MINDY1: variants seen among roughly 807,000 people sequenced by gnomAD.
MINDY1 encodes the protein ubiquitin carboxyl-terminal hydrolase MINDY-1.
A neutral mutation model predicts 53.6 loss-of-function variants in MINDY1; 50 were observed. The ratio of observed to expected loss-of-function variants is 0.93; its 90% CI spans 0.74 to 1.18. The LOEUF is 1.18. Ranked by LOEUF, MINDY1 falls within the 50% of genes most tolerant of loss-of-function variation. The probability of loss-of-function intolerance (pLI) is 0.00; values close to 1 mark genes in which losing one functional copy is unlikely to be tolerated. For missense variants in MINDY1, 484 were observed against 578.6 expected (o/e 0.84, Z 1.68); for synonymous variants, 231 against 234.7 (o/e 0.98, Z 0.14).
At chr1:151,000,195 G>A (rs587642397) in intron 5 of MINDY1, among the ~76,000 whole-genome samples, 1 of 152,144 alleles carries the variant, frequency 6.6e-6, no homozygotes, top group East Asian at 1.9e-4. Context: ...GGGAATACAG[G>A]CATGTGCCAC....
At chr1:151,004,673 G>A (rs587654948) in intron 1 of MINDY1, among the ~76,000 whole-genome samples, 1 of 151,934 alleles carries the variant, frequency 6.6e-6, no homozygotes, top group South Asian at 2.1e-4. Flanking sequence ...GGGGGTTGCA[G>A]TGAGCTGAGA....
downstream of MINDY1, chr1:150,996,540 G>A (rs991987819): frequency 6.6e-6 from 1 of 151,340 alleles, no homozygotes; most frequent in Non-Finnish European, 1.5e-5. Context: ...CAGATCTCAG[G>A]AAAGAAGGTT....
In MINDY1 at chr1:150,999,602, CG is replaced by C. The variant is rs928869537; in HGVS notation, c.839-92del. The C allele has an allele frequency of 1.5e-5, 23 of 1,541,340 alleles. No homozygotes were observed. In the African/African-American group the frequency reaches 2.3e-4, roughly 16 times the overall value. On this transcript the variant is annotated intron_variant, in intron 6 of 9. Coordinates refer to ENST00000683666, the MANE Select transcript of MINDY1 (RefSeq NM_001376665.1). This position sits in a 1 kb window ranked among gnomAD's most constrained non-coding sequence, Gnocchi z 4.4. ...TCCAGAGAGCCCCTGTCAAAAGCCC[CG>C]GGGGGTCAGTCCCACCTTCTGACGT...
chr1:151,002,694 G>A lies in MINDY1; in HGVS notation c.-77C>T. The A allele has an allele frequency of 1.2e-6, 2 of 1,605,182 alleles. No individual in the cohort carries two copies. The highest frequency in any genetic ancestry group is 2.2e-5 in the East Asian group (1 of 44,590). ...GACTTGCCTAAGCCAGGCTTGGGATGCAAAAGAGTGACCTGTCCAATAAGA... is the reference window on the plus strand; with the variant it reads ...GACTTGCCTAAGCCAGGCTTGGGATACAAAAGAGTGACCTGTCCAATAAGA... On this transcript the variant is annotated 5_prime_UTR_variant, in exon 2 of 10. Coordinates refer to ENST00000683666, the MANE Select transcript of MINDY1 (RefSeq NM_001376665.1). The surrounding 1 kb of genome is among the most constrained non-coding windows in gnomAD (Gnocchi z 4.1).
Position 150,997,689 on chromosome 1 carries a change from C to G in MINDY1, c.1264G>C (p.Glu422Gln). The change falls in exon 9 of 10, where the codon GAG becomes CAG. Residue 422 changes from glutamate (E) to glutamine (Q), a missense_variant. Physicochemically the swap from Glu to Gln is conservative, Grantham distance 29. Transcript: ENST00000683666. ...DLELAQQLQQ[E>Q]EYQQQQAAQP... ...GCTGCCTGCTGCTGTTGATACTCCTCTTGCTGAAGCTGCTGGGCCAGCTCC... is the reference window on the plus strand; with the variant it reads ...GCTGCCTGCTGCTGTTGATACTCCTGTTGCTGAAGCTGCTGGGCCAGCTCC... 1 of 1,613,650 alleles carries G rather than the reference C, an allele frequency of 6.2e-7. No homozygotes were observed. The highest frequency in any genetic ancestry group is 1.3e-5 in the African/African-American group (1 of 75,076).
At chr1:150,997,486 C>T (rs1671954591) in intron 9 of MINDY1, 119 bp from the exon 10 acceptor site, 3 of 1,548,830 alleles carry the variant, frequency 1.9e-6, no homozygotes, top group Non-Finnish European at 2.6e-6. Flanking sequence ...GGAAGGGGCT[C>T]CAGGGGAGAG....
upstream of MINDY1, chr1:151,008,135 G>T: frequency 1.5e-6 from 1 of 684,894 alleles, no homozygotes; most frequent in Non-Finnish European, 1.8e-6. Context: ...TTTGCCAAGT[G>T]TCATTTAAAA....
chr1:151,001,769 G>A lies in MINDY1; in HGVS notation c.467C>T (p.Pro156Leu), dbSNP rs1040245529. 2.0e-5 allele frequency: 32 copies of A among 1,598,068 alleles called. No individual in the cohort carries two copies. Among genetic ancestry groups the A allele is most frequent in the African/African-American group, 2.7e-5 (2 of 73,760 alleles). Residue 156 changes from proline to leucine, a missense_variant, in exon 3 of 10, where the codon CCG (proline) becomes CTG (leucine). Transcript: ENST00000683666. The part of the protein sequence containing the change: ...LFLQWKVKLP[P>L]QKEVITSDEL... Reference sequence around the variant, plus strand: ...ATCCGATGTGATCACTTCCTTCTGCGGGGGGAGCTTCACCTGGAGGCAGAA... The same window carrying A: ...ATCCGATGTGATCACTTCCTTCTGCAGGGGGAGCTTCACCTGGAGGCAGAA...
intron 1 of MINDY1, among the ~76,000 whole-genome samples, chr1:151,004,359 G>A (rs947819987): frequency 6.6e-6 from 1 of 152,128 alleles, no homozygotes; most frequent in African/African-American, 2.4e-5. Flanking sequence ...CACAAATCCT[G>A]CCCTTTGGAA....
At chr1:150,996,691 C>T (rs1343722785), downstream of MINDY1, 1 of 151,824 alleles carries the variant, frequency 6.6e-6, no homozygotes, top group Non-Finnish European at 1.5e-5. Context: ...TACAGGCGCC[C>T]ACCATGACGC....
intron 8 of MINDY1, 62 bp downstream of exon 8, chr1:150,998,020 T>G (rs1274096022): frequency 6.6e-7 from 1 of 1,504,874 alleles, no homozygotes; most frequent in Non-Finnish European, 8.9e-7. Context: ...TTAAAATGTA[T>G]GCAGTAAAAA....
In MINDY1 at chr1:150,998,271, ACT is replaced by A; in HGVS notation, c.982_983del (p.His329LeufsTer7). ...GGTCAGTGACCAGTAGGTATAAGTG[ACT>A]CTACAAAGAAAAGAACAGAGCTCAT... ...NHFSTMTKHK[S>X]HLYLLVTDQG... On this transcript the variant is annotated frameshift_variant and splice_region_variant, in exon 8 of 10. Transcript: ENST00000683666. LOFTEE classifies it high-confidence loss of function. 6.2e-7 allele frequency: 1 copy of A among 1,609,184 alleles called. No homozygotes were observed. Among genetic ancestry groups the A allele is most frequent in the Non-Finnish European group, 8.5e-7 (1 of 1,178,006 alleles).
chr1:150,999,534 G>A lies in MINDY1; in HGVS notation c.839-23C>T, dbSNP rs1571716907. On this transcript the variant is annotated intron_variant, in intron 6 of 9. Coordinates refer to ENST00000683666, the MANE Select transcript of MINDY1 (RefSeq NM_001376665.1). The surrounding 1 kb of genome is among the most constrained non-coding windows in gnomAD (Gnocchi z 4.4). ...GGCCTGCCAGAAAGGGACGAGTCGG[G>A]GGAAACTTGGCTTAAATTCAAGGTC... The A allele has an allele frequency of 1.2e-6, 2 of 1,612,446 alleles. No individual in the cohort carries two copies. Among genetic ancestry groups the A allele is most frequent in the East Asian group, 4.5e-5 (2 of 44,868 alleles).
At position 150,999,794 on chromosome 1, in the gene MINDY1, A is replaced by G. The variant is rs1672325783; in HGVS notation, c.838+68T>C. 3.6e-6 allele frequency: 5 copies of G among 1,394,352 alleles called. No individual in the cohort carries two copies. Among genetic ancestry groups the G allele is most frequent in the African/African-American group, 1.4e-5 (1 of 70,734 alleles). The allele number at this position is 1,394,352 out of a possible 1,614,324, so 86.4% of individuals were successfully genotyped here. ...GGGATGTGGTAGGAGATGACACCCA[A>G]TAAAAAATAAGCCTAAGTAGCTGTC... On this transcript the variant is annotated intron_variant, in intron 6 of 9. Transcript: ENST00000683666. The surrounding 1 kb of genome is among the most constrained non-coding windows in gnomAD (Gnocchi z 4.4).
Position 151,006,807 on chromosome 1 carries a change from C to G in MINDY1, c.-585G>C. The G allele has an allele frequency of 4.1e-6, 4 of 985,550 alleles. No homozygotes were observed. The South Asian group carries it at 1.9e-4, about 46-fold the overall frequency. The allele number at this position is 985,550 out of a possible 1,614,324, so 61.1% of individuals were successfully genotyped here. A position where few individuals can be genotyped will look rare whatever the true frequency, so the allele number is the denominator to read the frequency against. On this transcript the variant is annotated 5_prime_UTR_variant, in exon 1 of 10. Coordinates refer to ENST00000683666, the MANE Select transcript of MINDY1 (RefSeq NM_001376665.1). ...CTGACCCGGTCAGCAGCTTTGTGATCAGCAGAGAGGGAGCGAGAAACAGGA... is the reference window on the plus strand; with the variant it reads ...CTGACCCGGTCAGCAGCTTTGTGATGAGCAGAGAGGGAGCGAGAAACAGGA...
rs1204870851 is a variant in MINDY1, at chr1:151,002,315, A to T, written c.303T>A (p.Pro101=). The change falls in exon 2 of 10, where the codon CCT becomes CCA. Residue 101 remains proline (P), a synonymous_variant. Coordinates refer to ENST00000683666, the MANE Select transcript of MINDY1 (RefSeq NM_001376665.1). The surrounding 1 kb of genome is among the most constrained non-coding windows in gnomAD (Gnocchi z 4.1). ...IRACSMPQEL[P]QSPRTRQPEP... ...CAGGCTGTCGGGTCCTGGGGGACTG[A>T]GGAAGCTCCTGGGGCATGGAGCATG... 1.9e-6 allele frequency: 3 copies of T among 1,614,192 alleles called. No individual in the cohort carries two copies. The highest frequency in any genetic ancestry group is 2.5e-6 in the Non-Finnish European group (3 of 1,180,034).
chr1:151,002,320 G>T lies in MINDY1; in HGVS notation c.298C>A (p.Leu100Ile). 1 of 1,614,198 alleles carries T rather than the reference G, an allele frequency of 6.2e-7. No individual in the cohort carries two copies. The highest frequency in any genetic ancestry group is 8.5e-7 in the Non-Finnish European group (1 of 1,180,048). ...TGTCGGGTCCTGGGGGACTGAGGAA[G>T]CTCCTGGGGCATGGAGCATGCCCTT... ...TIRACSMPQE[L>I]PQSPRTRQPE... The change falls in exon 2 of 10, where the codon CTT (leucine) becomes ATT (isoleucine). Residue 100 changes from leucine (L) to isoleucine (I), a missense_variant. Coordinates refer to ENST00000683666, the MANE Select transcript of MINDY1 (RefSeq NM_001376665.1). This position sits in a 1 kb window ranked among gnomAD's most constrained non-coding sequence, Gnocchi z 4.1.
intron 1 of MINDY1, among the ~76,000 whole-genome samples, chr1:151,005,631 C>A (rs770130565): frequency 1.3e-5 from 2 of 152,018 alleles, no homozygotes; most frequent in Non-Finnish European, 2.9e-5. Context: ...CTCAGAGGAA[C>A]TGGGCAGAGC....
rs765808077 is a variant in MINDY1, at chr1:150,999,498, C to T, written c.852G>A (p.Glu284=). Residue 284 remains glutamate, a synonymous_variant, in exon 7 of 10, where the codon GAG becomes GAA. Coordinates refer to ENST00000683666, the MANE Select transcript of MINDY1 (RefSeq NM_001376665.1). This position sits in a 1 kb window ranked among gnomAD's most constrained non-coding sequence, Gnocchi z 4.4. ...GGGCCGCGGTGGTCTCCAGGAACTG[C>T]TCTGCAATCAGGCCTGCCAGAAAGG... The part of the protein sequence containing the change: ...TNLVTEGLIA[E]QFLETTAAQL... The T allele has an allele frequency of 2.5e-6, 4 of 1,613,790 alleles. No individual in the cohort carries two copies. Among genetic ancestry groups the T allele is most frequent in the Non-Finnish European group, 2.5e-6 (3 of 1,179,962 alleles).
Sources: gnomAD v4.1 joint callset for allele counts (sites outside exome capture counted in the v4.1 genomes callset) on GRCh38, gnomAD v4.1.1 for gene constraint, Gnocchi (gnomAD v3.1) non-coding constraint, MANE v1.5 for transcripts, NCBI Gene and HGNC (gene_info 2026-07-23, HGNC 2026-07-21) for gene names.